Variants in NAMPT observed in about 807,000 individuals in gnomAD.
NAMPT encodes NAmPRTase.
A neutral mutation model predicts 58.7 loss-of-function variants in NAMPT; 7 were observed. The ratio of observed to expected loss-of-function variants is 0.12; its 90% confidence interval spans 0.07 to 0.22. NAMPT has a LOEUF of 0.22. Among genes scored for constraint, NAMPT ranks in the 10% least tolerant of loss-of-function variants. NAMPT has a pLI of 1.00. For synonymous variants in NAMPT, 145 were observed against 198.1 expected (o/e 0.73, Z 2.25); for missense variants, 271 against 567.9 (o/e 0.48, Z 5.31).
intron 3 of NAMPT, among the ~76,000 whole-genome samples, chr7:106,273,646 C>T (rs150364685): frequency 4.6e-5 from 7 of 152,230 alleles, no homozygotes; most frequent in Non-Finnish European, 7.4e-5. Flanking sequence ...TATAATCAAA[C>T]GACTTATTGC....
intron 4 of NAMPT, among the ~76,000 whole-genome samples, chr7:106,270,805 C>G (rs1792516967): frequency 6.6e-6 from 1 of 152,206 alleles, no homozygotes; most frequent in Non-Finnish European, 1.5e-5. Flanking sequence ...CAGCTAAATG[C>G]AGATGCCTAA....
chr7:106,259,701 C>G (rs1041980738), intron 8 of NAMPT, among the ~76,000 whole-genome samples: 5 of 152,072 alleles, frequency 3.3e-5, no homozygotes, highest in Admixed American at 6.6e-5. Flanking sequence ...GGATTACAGG[C>G]GTGAGCCACC....
chr7:106,255,931 C>T (rs544979413), intron 8 of NAMPT, among the ~76,000 whole-genome samples: 3 of 152,152 alleles, frequency 2.0e-5, no homozygotes, highest in Non-Finnish European at 4.4e-5. Context: ...GCTTCAGAGG[C>T]AAAAACAAAA....
chr7:106,269,612 A>G (rs1474125127), intron 4 of NAMPT, among the ~76,000 whole-genome samples: 1 of 152,214 alleles, frequency 6.6e-6, no homozygotes, highest in Non-Finnish European at 1.5e-5. Context: ...ACTATGTGAT[A>G]AAAGGATCAA....
chr7:106,259,488 C>T (rs1306449999), intron 8 of NAMPT, among the ~76,000 whole-genome samples: 4 of 152,090 alleles, frequency 2.6e-5, no homozygotes, highest in African/African-American at 4.8e-5. Flanking sequence ...AGTGCAGTGG[C>T]GTGATCTTGG....
At position 106,249,306 on chromosome 7, in the gene NAMPT, C is replaced by CA. The variant is rs1026499735; in HGVS notation, c.*1776dup. 3 of 152,422 alleles carry CA rather than the reference C, an allele frequency of 2.0e-5. No homozygotes were observed. Among genetic ancestry groups the CA allele is most frequent in the Non-Finnish European group, 4.4e-5 (3 of 67,938 alleles). 9.4% of individuals were successfully genotyped at this position (152,422 alleles called of 1,614,324 possible). ...AACATATTCTTTCTAATACCACTTA[C>CA]AAAAAACATTTAATGAAGATAACAC... On this transcript the variant is annotated 3_prime_UTR_variant, in exon 11 of 11. Coordinates refer to ENST00000222553, the MANE Select transcript of NAMPT (RefSeq NM_005746.3).
At chr7:106,272,886 G>A (rs950880091) in intron 3 of NAMPT, among the ~76,000 whole-genome samples, 5 of 152,110 alleles carry the variant, frequency 3.3e-5, no homozygotes, top group Non-Finnish European at 7.4e-5. Flanking sequence ...ATGCTGCCAC[G>A]TGCTTCTGCT....
In NAMPT at chr7:106,261,799, C is replaced by T. The variant is rs41496055; in HGVS notation, c.970-92G>A. Reference sequence around the variant, plus strand: ...AGTTAAATGATTTTGCTTTGATAATCGAGAATATAAAAATTAACTACTTTA... The same window carrying T: ...AGTTAAATGATTTTGCTTTGATAATTGAGAATATAAAAATTAACTACTTTA... On this transcript the variant is annotated intron_variant, in intron 7 of 10. Transcript: ENST00000222553. The T allele has an allele frequency of 6.6e-6, 9 of 1,356,710 alleles. No individual in the cohort carries two copies. The African/African-American group carries it at 7.4e-5, about 11-fold the overall frequency. The allele number at this position is 1,356,710 out of a possible 1,614,324, so 84.0% of individuals were successfully genotyped here. A position where few individuals can be genotyped will look rare whatever the true frequency, so the allele number is the denominator to read the frequency against.
At chr7:106,260,494 G>A (rs1017853555) in intron 8 of NAMPT, among the ~76,000 whole-genome samples, 3 of 152,228 alleles carry the variant, frequency 2.0e-5, no homozygotes, top group Admixed American at 6.5e-5. Context: ...CTCCCTAGCA[G>A]CAATAAAGCT....
intron 5 of NAMPT, 113 bp downstream of exon 5, chr7:106,269,041 A>G: frequency 2.0e-6 from 2 of 998,926 alleles, no homozygotes; most frequent in Non-Finnish European, 2.9e-6. Context: ...TGTTGGTTGA[A>G]TCTTTGGAAT....
intron 9 of NAMPT, 99 bp downstream of exon 9, chr7:106,254,265 C>T: frequency 7.4e-7 from 1 of 1,350,620 alleles, no homozygotes; most frequent in Non-Finnish European, 1.0e-6. Flanking sequence ...ATTAACAGTC[C>T]ACGGCCACAT....
At chr7:106,281,935 C>T (rs1792773500) in intron 1 of NAMPT, among the ~76,000 whole-genome samples, 1 of 152,110 alleles carries the variant, frequency 6.6e-6, no homozygotes. Context: ...CTAAATTAAT[C>T]TCCCTATGAA....
intron 1 of NAMPT, among the ~76,000 whole-genome samples, chr7:106,282,227 A>G (rs1197407906): frequency 1.3e-5 from 2 of 151,846 alleles, no homozygotes; most frequent in Non-Finnish European, 2.9e-5. Flanking sequence ...TTTTTTTTTG[A>G]AAAAAAGCTG....
Position 106,248,438 on chromosome 7 carries a change from C to T in NAMPT, c.*2645G>A, listed in dbSNP as rs1181633521. On this transcript the variant is annotated 3_prime_UTR_variant, in exon 11 of 11. Transcript: ENST00000222553. ...TGGGTTAAAAAGGAATGTAAAACTA[C>T]AAAATACTTAAGTGTGAGTTCTAAA... 2 of 152,444 alleles carry T rather than the reference C, an allele frequency of 1.3e-5. No homozygotes were observed. Among genetic ancestry groups the T allele is most frequent in the Admixed American group, 6.6e-5 (1 of 15,232 alleles). 9.4% of individuals were successfully genotyped at this position (152,444 alleles called of 1,614,324 possible).
chr7:106,280,414 T>C (rs980029432), intron 1 of NAMPT, among the ~76,000 whole-genome samples: 4 of 152,244 alleles, frequency 2.6e-5, no homozygotes, highest in Non-Finnish European at 5.9e-5. Flanking sequence ...AAAAGTTTCA[T>C]AGTATTCTAA....
rs969107443 is a variant in NAMPT at position 106,284,965 on chromosome 7, C to T, written c.-81G>A. 1.0e-5 allele frequency: 16 copies of T among 1,534,592 alleles called. No homozygotes were observed. The African/African-American group carries it at 1.7e-4, about 16-fold the overall frequency. ...AAGGAGAAAAATGAGCTTCACCGCG[C>T]TCCGTTGCTTAAGTCACTGCTCGGT... On this transcript the variant is annotated 5_prime_UTR_variant, in exon 1 of 11. Transcript: ENST00000222553.
chr7:106,251,575 C>T (rs1792104642), intron 10 of NAMPT, among the ~76,000 whole-genome samples: 2 of 151,934 alleles, frequency 1.3e-5, no homozygotes, highest in South Asian at 4.1e-4. Context: ...GCCTGGTAAA[C>T]CCTGCCTTGT....
chr7:106,274,624 G>A (rs1792599424), intron 3 of NAMPT, among the ~76,000 whole-genome samples: 2 of 152,136 alleles, frequency 1.3e-5, no homozygotes, highest in South Asian at 4.1e-4. Flanking sequence ...GGAGGCCAAG[G>A]TGGGCAGATC....
intron 8 of NAMPT, among the ~76,000 whole-genome samples, chr7:106,255,296 C>T (rs562162069): frequency 1.3e-5 from 2 of 152,198 alleles, no homozygotes; most frequent in East Asian, 1.9e-4. Flanking sequence ...TATATTCAAT[C>T]ACTTTGATGA....
Sources: allele counts gnomAD v4.1 joint callset (sites outside exome capture counted in the v4.1 genomes callset), GRCh38; gene constraint gnomAD v4.1.1; transcripts MANE v1.5; gene names NCBI Gene and HGNC (gene_info 2026-07-23, HGNC 2026-07-21).